Variants in ZNF609 observed in about 807,000 individuals in gnomAD.
The protein encoded by ZNF609 is zinc finger protein 609.
Under a neutral mutation model 109.5 loss-of-function variants are expected in ZNF609, and 11 were observed. That is an observed-to-expected ratio of 0.10 (90% CI 0.06 to 0.17). ZNF609 has a LOEUF of 0.17. Among genes scored for constraint, ZNF609 ranks in the 10% least tolerant of loss-of-function variants. The pLI is 1.00. For synonymous variants in ZNF609, 646 were observed against 662.0 expected (o/e 0.98, Z 0.37); for missense variants, 1,559 against 1,772.4 (o/e 0.88, Z 2.16).
At chr15:64,474,132 T>G (rs1475673522) in intron 1 of ZNF609, among the ~76,000 whole-genome samples, 1 of 151,896 alleles carries the variant, frequency 6.6e-6, no homozygotes. Context: ...GGTCTCGAAC[T>G]CCTGACCTCA....
In ZNF609 at chr15:64,678,411, ACAGT is replaced by A; in HGVS notation, c.3704_3707del (p.Gln1235ProfsTer15). The stretch of plus-strand genomic sequence containing the variant: ...ATCCCCTACATGCACGGCTATTCCT[ACAGT>A]CAGTCCTACGACCCCAACCACCCCA... On this transcript the variant is annotated frameshift_variant, in exon 6 of 10. Coordinates refer to ENST00000326648, the MANE Select transcript of ZNF609 (RefSeq NM_015042.2). LOFTEE classifies it high-confidence loss of function. 1 of 1,613,088 alleles carries A rather than the reference ACAGT, an allele frequency of 6.2e-7. No homozygotes were observed. The highest frequency in any genetic ancestry group is 8.5e-7 in the Non-Finnish European group (1 of 1,179,400).
intron 2 of ZNF609, among the ~76,000 whole-genome samples, chr15:64,573,866 G>T (rs1436091137): frequency 6.6e-6 from 1 of 152,134 alleles, no homozygotes; most frequent in Non-Finnish European, 1.5e-5. Context: ...GTTGGATGGA[G>T]TTTTTAATCA....
intron 3 of ZNF609, among the ~76,000 whole-genome samples, chr15:64,659,835 C>CTTTTTTTTT (rs755818323): frequency 7.3e-6 from 1 of 137,232 alleles, no homozygotes; most frequent in Admixed American, 7.4e-5. Flanking sequence ...TTCTTTCTTT[C>CTTTTTTTTT]TTTTTTTTTT....
At chr15:64,642,264 G>A (rs1469623280) in intron 3 of ZNF609, among the ~76,000 whole-genome samples, 2 of 152,040 alleles carry the variant, frequency 1.3e-5, no homozygotes, top group African/African-American at 4.8e-5. Flanking sequence ...GCTCACTGCG[G>A]CCTCCAACTC....
At chr15:64,583,324 CAG>C (rs1373270008) in intron 2 of ZNF609, among the ~76,000 whole-genome samples, 2 of 151,092 alleles carry the variant, frequency 1.3e-5, no homozygotes, top group African/African-American at 4.9e-5. Context: ...GCCTGGGTGA[CAG>C]AGCAAGAGTC....
intron 1 of ZNF609, among the ~76,000 whole-genome samples, chr15:64,481,445 C>A (rs1461552773): frequency 6.6e-6 from 1 of 151,438 alleles, no homozygotes. Context: ...CTCAGCCTCC[C>A]TAGTAGCTAG....
intron 3 of ZNF609, among the ~76,000 whole-genome samples, chr15:64,636,456 T>G (rs1255570040): frequency 6.6e-6 from 1 of 152,206 alleles, no homozygotes; most frequent in Non-Finnish European, 1.5e-5. Context: ...CTACCCCCAT[T>G]GAACTCATAA....
intron 7 of ZNF609, 37 bp downstream of exon 7, chr15:64,680,397 G>A (rs953115565): frequency 3.7e-6 from 6 of 1,607,138 alleles, no homozygotes; most frequent in African/African-American, 2.7e-5. Flanking sequence ...GTTACCCAAA[G>A]ACTAGTAAGG....
intron 1 of ZNF609, among the ~76,000 whole-genome samples, chr15:64,479,049 G>A (rs551797349): frequency 1.3e-5 from 2 of 152,234 alleles, no homozygotes; most frequent in South Asian, 2.1e-4. Context: ...GTTTGTGTTA[G>A]TAGGCCCTTC....
intron 3 of ZNF609, among the ~76,000 whole-genome samples, chr15:64,659,214 T>C (rs1228114943): frequency 2.0e-5 from 3 of 152,190 alleles, no homozygotes; most frequent in Non-Finnish European, 2.9e-5. Flanking sequence ...TTTTAGTTTT[T>C]TAAAAGTTTT....
intron 2 of ZNF609, among the ~76,000 whole-genome samples, chr15:64,581,458 C>T (rs2140426807): frequency 6.6e-6 from 1 of 152,158 alleles, no homozygotes; most frequent in South Asian, 2.1e-4. Flanking sequence ...CAAAGTTAAG[C>T]ACTTCCCTAT....
At chr15:64,552,660 G>GT (rs556931406) in intron 2 of ZNF609, among the ~76,000 whole-genome samples, 3 of 151,868 alleles carry the variant, frequency 2.0e-5, no homozygotes, top group Admixed American at 6.6e-5. Flanking sequence ...AGCCATTGTT[G>GT]TTTTTTTGAA....
chr15:64,598,952 TG>T (rs1257301853), intron 2 of ZNF609, among the ~76,000 whole-genome samples: 1 of 150,520 alleles, frequency 6.6e-6, no homozygotes, highest in South Asian at 2.1e-4. Flanking sequence ...AACTGGGATA[TG>T]TTCAACTCTC....
At chr15:64,630,032 CCT>C (rs1315457700) in intron 3 of ZNF609, among the ~76,000 whole-genome samples, 20 of 151,670 alleles carry the variant, frequency 1.3e-4, no homozygotes. Context: ...CCAAAAATTT[CCT>C]TCTCTTTCCT....
intron 3 of ZNF609, among the ~76,000 whole-genome samples, chr15:64,629,709 T>C (rs1419446964): frequency 6.6e-6 from 1 of 152,204 alleles, no homozygotes; most frequent in Non-Finnish European, 1.5e-5. Flanking sequence ...GCCTTTTAGC[T>C]GGATACATTA....
At chr15:64,532,606 C>T (rs1387240043) in intron 2 of ZNF609, among the ~76,000 whole-genome samples, 1 of 152,170 alleles carries the variant, frequency 6.6e-6, no homozygotes, top group Non-Finnish European at 1.5e-5. Context: ...TGGTTGTCTG[C>T]TCACGTTTTA....
intron 2 of ZNF609, among the ~76,000 whole-genome samples, chr15:64,584,641 C>A (rs1486728275): frequency 6.6e-6 from 1 of 151,362 alleles, no homozygotes; most frequent in African/African-American, 2.4e-5. Context: ...ATTTTTATTT[C>A]TTTTTTTGAG....
chr15:64,605,160 C>G (rs1895573743), intron 2 of ZNF609, among the ~76,000 whole-genome samples: 1 of 152,150 alleles, frequency 6.6e-6, no homozygotes, highest in South Asian at 2.1e-4. Context: ...GGGAAGTTTT[C>G]TTTGTGAGTC....
intron 2 of ZNF609, among the ~76,000 whole-genome samples, chr15:64,566,643 G>A (rs1306849606): frequency 6.6e-6 from 1 of 152,198 alleles, no homozygotes; most frequent in Non-Finnish European, 1.5e-5. Flanking sequence ...AAAATTAAGT[G>A]TAGTAAAGGA....
Sources: allele counts gnomAD v4.1 joint callset (sites outside exome capture counted in the v4.1 genomes callset), GRCh38; gene constraint gnomAD v4.1.1; transcripts MANE v1.5; gene names NCBI Gene and HGNC (gene_info 2026-07-23, HGNC 2026-07-21).